Variants in RBBP8 observed in about 807,000 individuals in gnomAD.
RBBP8 encodes the protein DNA endonuclease RBBP8.
RBBP8 carries 88 observed loss-of-function variants against 108.3 expected under a neutral mutation model. That is an observed-to-expected ratio of 0.81 (90% CI 0.68 to 0.97). The LOEUF is 0.97. RBBP8 is among the 50% of genes least tolerant of loss of function. The probability of loss-of-function intolerance (pLI) is 0.00; values close to 1 mark genes in which losing one functional copy is unlikely to be tolerated. For synonymous variants in RBBP8, 332 were observed against 348.2 expected, an observed-to-expected ratio of 0.95 and a Z score of 0.52; for missense variants, 1,023 against 1,049.0, an observed-to-expected ratio of 0.98 and a Z score of 0.34.
chr18:23,008,810 G>A (rs1173492151), intron 16 of RBBP8, among the ~76,000 whole-genome samples: 1 of 115,406 alleles, frequency 8.7e-6, no homozygotes, highest in East Asian at 2.5e-4. Context: ...GTCTCACTCT[G>A]TCACCCAGGC....
chr18:22,993,870 C>T, intron 12 of RBBP8, 23 bp downstream of exon 12: 1 of 1,605,572 alleles, frequency 6.2e-7, no homozygotes, highest in East Asian at 2.2e-5. Context: ...TAAACAGGAT[C>T]TCCACTTTTT....
At chr18:22,921,386 A>G (rs1909587463) in intron 3 of RBBP8, among the ~76,000 whole-genome samples, 2 of 152,258 alleles carry the variant, frequency 1.3e-5, no homozygotes, top group South Asian at 4.1e-4. Flanking sequence ...GAGTTGCCGC[A>G]TGGGTTGCTA....
intron 2 of RBBP8, among the ~76,000 whole-genome samples, chr18:22,942,147 CT>C (rs1555633128): frequency 2.0e-5 from 3 of 151,976 alleles, no homozygotes. Context: ...CTTGTCTGGA[CT>C]TTGCAGGTTT....
chr18:23,012,618 G>A (rs1413745021), intron 16 of RBBP8, among the ~76,000 whole-genome samples: 1 of 152,218 alleles, frequency 6.6e-6, no homozygotes, highest in African/African-American at 2.4e-5. Flanking sequence ...ACTAGCAGAG[G>A]TTGGTTCATG....
chr18:22,959,752 G>GTA (rs1462394692), intron 4 of RBBP8, among the ~76,000 whole-genome samples: 1 of 151,028 alleles, frequency 6.6e-6, no homozygotes, highest in Non-Finnish European at 1.5e-5. Flanking sequence ...GTGTGTGTGT[G>GTA]TATACTCTTG....
chr18:23,001,373 C>T (rs967246762), intron 14 of RBBP8, among the ~76,000 whole-genome samples: 3 of 152,138 alleles, frequency 2.0e-5, no homozygotes, highest in Admixed American at 6.6e-5. Flanking sequence ...CATAGATAAA[C>T]ACGTGTCATG....
At chr18:22,923,454 T>C (rs1339721249) in intron 3 of RBBP8, among the ~76,000 whole-genome samples, 5 of 152,230 alleles carry the variant, frequency 3.3e-5, no homozygotes, top group African/African-American at 7.2e-5. Flanking sequence ...CTTCTCCCAA[T>C]AGGCAAGCTG....
At chr18:22,985,513 G>T (rs1416736643) in intron 8 of RBBP8, among the ~76,000 whole-genome samples, 1 of 152,138 alleles carries the variant, frequency 6.6e-6, no homozygotes, top group Non-Finnish European at 1.5e-5. Flanking sequence ...CGGAGGCTTT[G>T]CAGTGAAGAT....
chr18:22,949,790 T>G, intron 4 of RBBP8, 77 bp downstream of exon 4: 1 of 1,127,328 alleles, frequency 8.9e-7, no homozygotes, highest in Admixed American at 1.7e-5. Flanking sequence ...CATTTGTAAT[T>G]AGTTTTGGGA....
At chr18:22,963,222 G>T (rs1913266504) in intron 4 of RBBP8, among the ~76,000 whole-genome samples, 1 of 150,032 alleles carries the variant, frequency 6.7e-6, no homozygotes, top group Non-Finnish European at 1.5e-5. Context: ...TGACTTAGGT[G>T]TTTTTTTTTC....
chr18:22,991,669 A>T (rs1483326818), intron 10 of RBBP8, among the ~76,000 whole-genome samples: 1 of 152,244 alleles, frequency 6.6e-6, no homozygotes, highest in East Asian at 1.9e-4. Context: ...GATTCAACAT[A>T]GTACTTGGCA....
intron 8 of RBBP8, among the ~76,000 whole-genome samples, chr18:22,986,625 TAGG>T (rs1366770909): frequency 2.0e-5 from 3 of 152,052 alleles, no homozygotes; most frequent in East Asian, 1.9e-4. Flanking sequence ...ATCAAGTAAA[TAGG>T]AGAAAATTAA....
chr18:23,022,250 C>T lies in RBBP8; in HGVS notation c.2576C>T (p.Thr859Ile), dbSNP rs745514276. ...ENFWEVGFPS[T>I]QTCMERGYIK... ...TTTTGGGAAGTTGGTTTTCCTTCCACTCAGACTTGTATGGAAAGAGGTGAG... is the reference window on the plus strand; with the variant it reads ...TTTTGGGAAGTTGGTTTTCCTTCCATTCAGACTTGTATGGAAAGAGGTGAG... Residue 859 changes from threonine to isoleucine, a missense_variant, in exon 18 of 19, where the codon ACT becomes ATT. Thr to Ile is a moderately conservative substitution (Grantham distance 89). Transcript: ENST00000327155. 5 of 1,611,494 alleles carry T rather than the reference C, an allele frequency of 3.1e-6. No individual in the cohort carries two copies. Among genetic ancestry groups the T allele is most frequent in the Non-Finnish European group, 4.2e-6 (5 of 1,177,656 alleles).
intron 16 of RBBP8, among the ~76,000 whole-genome samples, chr18:23,016,501 G>C (rs2046257973): frequency 6.6e-6 from 1 of 152,138 alleles, no homozygotes. Context: ...CCAAGATCAT[G>C]TCATGCACTC....
chr18:22,942,588 CATG>C (rs983797891), intron 2 of RBBP8, among the ~76,000 whole-genome samples: 7 of 151,996 alleles, frequency 4.6e-5, no homozygotes, highest in Admixed American at 3.3e-4. Context: ...TGTATCATTT[CATG>C]ATATGTTCCT....
At chr18:22,932,526 T>C (rs936460840), upstream of RBBP8, among the ~76,000 whole-genome samples, 4 of 152,228 alleles carry the variant, frequency 2.6e-5, no homozygotes, top group African/African-American at 7.2e-5. Flanking sequence ...CTTTCCACTT[T>C]GTATTTATGA....
intron 5 of RBBP8, among the ~76,000 whole-genome samples, chr18:22,973,687 C>T (rs1051247736): frequency 1.3e-5 from 2 of 152,168 alleles, no homozygotes; most frequent in Non-Finnish European, 2.9e-5. Flanking sequence ...GTTTTAATTT[C>T]TTAACCTGCT....
intron 13 of RBBP8, among the ~76,000 whole-genome samples, chr18:22,997,077 T>C (rs1429104603): frequency 6.6e-6 from 1 of 152,236 alleles, no homozygotes; most frequent in Non-Finnish European, 1.5e-5. Context: ...ATGTCTTCAT[T>C]ACCTTTAAAA....
Position 22,993,528 on chromosome 18 carries a change from C to G in RBBP8, c.1701C>G (p.Cys567Trp). ...TCATCCTTCAGCCCTTGAATAAATG[C>G]TCTCCAGACAATAAACCATCATTAC... The part of the protein sequence containing the change: ...ECIILQPLNK[C>W]SPDNKPSLQI... The change falls in exon 11 of 19, where the codon TGC (cysteine) becomes TGG (tryptophan). Residue 567 changes from cysteine to tryptophan, a missense_variant. By Grantham distance (215) the Cys-to-Trp change is radical (BLOSUM62 -2). Transcript: ENST00000327155. 1 of 1,613,302 alleles carries G rather than the reference C, an allele frequency of 6.2e-7. No homozygotes were observed. The highest frequency in any genetic ancestry group is 8.5e-7 in the Non-Finnish European group (1 of 1,179,792).
Sources: gnomAD v4.1 joint callset for allele counts (sites outside exome capture counted in the v4.1 genomes callset) on GRCh38, gnomAD v4.1.1 for gene constraint, MANE v1.5 for transcripts, NCBI Gene and HGNC (gene_info 2026-07-23, HGNC 2026-07-21) for gene names.